SEMA5B: variants seen among roughly 807,000 people sequenced by gnomAD.
The protein encoded by SEMA5B is semaphorin 5B.
SEMA5B carries 66 observed loss-of-function variants against 135.0 expected under a neutral mutation model. That is an observed-to-expected ratio of 0.49 (90% CI 0.40 to 0.60). The LOEUF is 0.60. SEMA5B is among the 20% of genes least tolerant of loss of function. The pLI is 0.00. For missense variants in SEMA5B, 1,501 were observed against 1,566.3 expected, an observed-to-expected ratio of 0.96 and a Z score of 0.70; for synonymous variants, 690 against 639.5, an observed-to-expected ratio of 1.08 and a Z score of -1.19.
chr3:122,962,372 G>A (rs553586387), intron 1 of SEMA5B, among the ~76,000 whole-genome samples: 1 of 152,352 alleles, frequency 6.6e-6, no homozygotes, highest in South Asian at 2.1e-4. Context: ...GCTACTGCTG[G>A]AGGAACATCG....
At chr3:122,914,585 C>A (rs1339071529) in intron 14 of SEMA5B, among the ~76,000 whole-genome samples, 3 of 152,248 alleles carry the variant, frequency 2.0e-5, no homozygotes, top group African/African-American at 7.2e-5. Flanking sequence ...TATTCCTACC[C>A]CCATGAGGTT....
intron 12 of SEMA5B, among the ~76,000 whole-genome samples, chr3:122,919,450 C>A (rs879346677): frequency 2.6e-5 from 4 of 152,170 alleles, no homozygotes; most frequent in Non-Finnish European, 4.4e-5. Flanking sequence ...TGAGATTCTC[C>A]TGAGTGAAAA....
intron 1 of SEMA5B, among the ~76,000 whole-genome samples, chr3:122,995,311 G>C (rs945933256): frequency 3.3e-5 from 5 of 152,150 alleles, no homozygotes; most frequent in African/African-American, 1.2e-4. Flanking sequence ...TGAACAAATG[G>C]AGGCCTGAGT....
intron 1 of SEMA5B, among the ~76,000 whole-genome samples, chr3:122,988,820 C>T (rs1941778300): frequency 6.6e-6 from 1 of 152,258 alleles, no homozygotes; most frequent in Admixed American, 6.5e-5. Context: ...TTGTCCTCCT[C>T]GAGACTGGGA....
intron 1 of SEMA5B, among the ~76,000 whole-genome samples, chr3:122,987,817 G>C (rs192482908): frequency 6.0e-4 from 91 of 152,294 alleles, no homozygotes; most frequent in African/African-American, 2.0e-3. Context: ...CATAAGTAGT[G>C]AGTTTTGTTG....
At chr3:122,998,639 A>T (rs1942087365) in intron 1 of SEMA5B, among the ~76,000 whole-genome samples, 1 of 152,174 alleles carries the variant, frequency 6.6e-6, no homozygotes, top group African/African-American at 2.4e-5. Flanking sequence ...GCTGCAGGAC[A>T]GTCAGCTAGC....
At chr3:123,023,463 C>T (rs1007814813) in intron 1 of SEMA5B, among the ~76,000 whole-genome samples, 1 of 152,186 alleles carries the variant, frequency 6.6e-6, no homozygotes, top group African/African-American at 2.4e-5. Context: ...TCCCTCCAAG[C>T]ACTTGTGCAT....
chr3:122,912,109 C>T (rs1296857733), intron 19 of SEMA5B, 40 bp from the exon 20 acceptor site: 47 of 1,593,870 alleles, frequency 2.9e-5, no homozygotes, highest in Non-Finnish European at 3.9e-5. Flanking sequence ...TGCCCAGGGA[C>T]CCCCTGGTGG....
At chr3:122,918,993 CTTTTTT>C (rs63373262) in intron 12 of SEMA5B, among the ~76,000 whole-genome samples, 4 of 80,354 alleles carry the variant, frequency 5.0e-5, no homozygotes, top group African/African-American at 8.2e-5. Context: ...ATCACCATGT[CTTTTTT>C]TTTTTTTTTT....
chr3:122,912,848 C>A lies in SEMA5B; in HGVS notation c.2720G>T (p.Cys907Phe), dbSNP rs1436463027. The change falls in exon 18 of 23, where the codon TGC (cysteine) becomes TTC (phenylalanine). Residue 907 changes from cysteine to phenylalanine, a missense_variant. Transcript: ENST00000357599. ...TTCCTTCCGTGCAGGGTTACCTGGG[C>A]AAGCCTGGGGGTTGCAGTCCTGGTA... The part of the protein sequence containing the change: ...AEYQDCNPQA[C>F]PVRGAWSCWT... 1 of 1,575,618 alleles carries A rather than the reference C, an allele frequency of 6.3e-7. No homozygotes were observed. The highest frequency in any genetic ancestry group is 8.6e-7 in the Non-Finnish European group (1 of 1,159,052).
chr3:123,024,494 C>G (rs764688165), intron 1 of SEMA5B, among the ~76,000 whole-genome samples: 2 of 152,172 alleles, frequency 1.3e-5, no homozygotes, highest in Admixed American at 6.5e-5. Flanking sequence ...CCACTGGATT[C>G]CCAGTGGGAA....
intron 3 of SEMA5B, 61 bp downstream of exon 3, chr3:122,948,445 G>C (rs2107551247): frequency 6.9e-7 from 1 of 1,447,194 alleles, no homozygotes; most frequent in East Asian, 2.4e-5. Context: ...GCCAAGGTCT[G>C]ACCTAAGTCC....
intron 21 of SEMA5B, 173 bp downstream of exon 21, chr3:122,911,318 T>C: frequency 1.3e-6 from 2 of 1,501,962 alleles, no homozygotes; most frequent in Middle Eastern, 1.7e-4. Context: ...GCCTCCTAGC[T>C]GGGGGGGGCA....
At chr3:122,957,696 G>A (rs923611862) in intron 2 of SEMA5B, among the ~76,000 whole-genome samples, 1 of 152,208 alleles carries the variant, frequency 6.6e-6, no homozygotes, top group Admixed American at 6.5e-5. Flanking sequence ...AGGCCAAGAG[G>A]TGCCCACATA....
At chr3:122,968,461 C>A (rs1044911596) in intron 1 of SEMA5B, among the ~76,000 whole-genome samples, 2 of 152,078 alleles carry the variant, frequency 1.3e-5, no homozygotes, top group Admixed American at 1.3e-4. Flanking sequence ...GACCTAGTAG[C>A]GGGATAGGAT....
chr3:123,009,140 G>A (rs756279706), intron 1 of SEMA5B, among the ~76,000 whole-genome samples: 1 of 152,176 alleles, frequency 6.6e-6, no homozygotes, highest in Non-Finnish European at 1.5e-5. Flanking sequence ...TCAAGGCTCA[G>A]TGTTTCAGCC....
rs188230854 is a variant in SEMA5B at position 123,005,502 on chromosome 3, T to C, written c.-39+21962A>G. Among the ~76,000 whole-genome samples the C allele has an allele frequency of 2.2e-3, 330 of 152,280 alleles. 3 individuals carry two copies. Among genetic ancestry groups the C allele is most frequent in the Middle Eastern group, 3.4e-3 (1 of 294 alleles). On this transcript the variant is annotated intron_variant, in intron 1 of 22. Transcript: ENST00000357599. ...TCAGCCTTCCAAAGTGCTGTGACTG[T>C]AGGTGTGCATTCCCATACCTGGCTA...
intron 1 of SEMA5B, among the ~76,000 whole-genome samples, chr3:123,022,415 A>G (rs1942705153): frequency 6.6e-6 from 1 of 152,240 alleles, no homozygotes; most frequent in Admixed American, 6.5e-5. Flanking sequence ...TCCTTATTAA[A>G]CGCAGAACAA....
intron 2 of SEMA5B, among the ~76,000 whole-genome samples, chr3:122,957,039 G>A (rs1940353248): frequency 6.6e-6 from 1 of 152,230 alleles, no homozygotes; most frequent in Admixed American, 6.5e-5. Context: ...ATCTGGAGAA[G>A]CTGGTGGAGA....
Sources: allele counts gnomAD v4.1 joint callset (sites outside exome capture counted in the v4.1 genomes callset), GRCh38; gene constraint gnomAD v4.1.1; transcripts MANE v1.5; gene names NCBI Gene and HGNC (gene_info 2026-07-23, HGNC 2026-07-21).